REDIC1: variants seen among roughly 807,000 people sequenced by gnomAD.
The protein encoded by REDIC1 is regulator of DNA class I crossover intermediates 1.
the REDIC1 span, among the ~76,000 whole-genome samples, chr12:39,666,702 T>C: frequency 6.6e-6 from 1 of 152,046 alleles, no homozygotes; most frequent in Non-Finnish European, 1.5e-5. Context: ...GTCCTGGACT[T>C]GTTTTGGTTG....
the REDIC1 span, among the ~76,000 whole-genome samples, chr12:39,634,046 ATTCTTCCTATCCAGGAGCTTGGAAGG>A: frequency 1.3e-5 from 2 of 152,250 alleles, no homozygotes; most frequent in East Asian, 3.9e-4. Context: ...CACATTATTG[ATTCTTCCTATCCAGGAGCTTGGAAGG>A]TTCTTCCATT....
chr12:39,705,327 T>A, the REDIC1 span, among the ~76,000 whole-genome samples: 1 of 151,920 alleles, frequency 6.6e-6, no homozygotes, highest in South Asian at 2.1e-4. Flanking sequence ...ATAAAAAGTC[T>A]CCCAGGAAAT....
chr12:39,651,392 A>G, the REDIC1 span, among the ~76,000 whole-genome samples: 1 of 152,206 alleles, frequency 6.6e-6, no homozygotes, highest in South Asian at 2.1e-4. Context: ...AAATCTATTA[A>G]GCTTGTAAAA....
the REDIC1 span, among the ~76,000 whole-genome samples, chr12:39,812,271 C>A: frequency 6.6e-6 from 1 of 152,118 alleles, no homozygotes; most frequent in African/African-American, 2.4e-5. Flanking sequence ...GATGACTCCA[C>A]CCTCATGACC....
the REDIC1 span, among the ~76,000 whole-genome samples, chr12:39,896,362 A>G: frequency 5.7e-5 from 8 of 139,656 alleles, 1 homozygote; most frequent in East Asian, 8.4e-4. Context: ...GTATATGTGT[A>G]TATATGTATA....
the REDIC1 span, among the ~76,000 whole-genome samples, chr12:39,894,830 G>A: frequency 6.6e-6 from 1 of 151,796 alleles, no homozygotes; most frequent in South Asian, 2.1e-4. Flanking sequence ...TAAAGAGAGG[G>A]AAAGAAAGCA....
chr12:39,721,263 C>T, the REDIC1 span: 8 of 1,598,098 alleles, frequency 5.0e-6, no homozygotes, highest in Non-Finnish European at 6.8e-6. Context: ...ATTCTAAAAT[C>T]TCTACCTAGG....
At chr12:39,725,861 C>A in the REDIC1 span, among the ~76,000 whole-genome samples, 1 of 151,830 alleles carries the variant, frequency 6.6e-6, no homozygotes, top group Non-Finnish European at 1.5e-5. Flanking sequence ...ATTGAGGTAG[C>A]TGGTAGGTGT....
the REDIC1 span, among the ~76,000 whole-genome samples, chr12:39,836,358 T>A: frequency 6.6e-6 from 1 of 152,144 alleles, no homozygotes; most frequent in African/African-American, 2.4e-5. Flanking sequence ...CTTTTCTTAC[T>A]AGCTGCAGAG....
chr12:39,859,180 G>C, the REDIC1 span, among the ~76,000 whole-genome samples: 1 of 151,770 alleles, frequency 6.6e-6, no homozygotes, highest in Middle Eastern at 3.2e-3. Context: ...CATCTGAAGA[G>C]GAAAATGTGA....
At chr12:39,662,812 T>G in the REDIC1 span, among the ~76,000 whole-genome samples, 2 of 152,130 alleles carry the variant, frequency 1.3e-5, no homozygotes, top group Non-Finnish European at 2.9e-5. Context: ...CTGTGCTTAG[T>G]TTGTTGAATG....
chr12:39,869,051 G>A, the REDIC1 span, among the ~76,000 whole-genome samples: 13 of 152,066 alleles, frequency 8.5e-5, no homozygotes, highest in African/African-American at 2.2e-4. Context: ...TTAAAAATTC[G>A]AGGCTATAGC....
At chr12:39,834,877 C>T in the REDIC1 span, among the ~76,000 whole-genome samples, 1 of 152,018 alleles carries the variant, frequency 6.6e-6, no homozygotes, top group Non-Finnish European at 1.5e-5. Flanking sequence ...CTTTAAATAT[C>T]CTGGGGAATC....
chr12:39,846,908 C>G, the REDIC1 span, among the ~76,000 whole-genome samples: 134 of 152,224 alleles, frequency 8.8e-4, no homozygotes, highest in African/African-American at 3.2e-3. Context: ...GATACTGTGA[C>G]CATTCTTTTT....
the REDIC1 span, among the ~76,000 whole-genome samples, chr12:39,687,102 C>T: frequency 2.0e-5 from 3 of 152,178 alleles, no homozygotes; most frequent in South Asian, 6.2e-4. Context: ...TTTGTTATAA[C>T]CATTCCACCG....
chr12:39,699,436 G>T, the REDIC1 span, among the ~76,000 whole-genome samples: 11 of 152,340 alleles, frequency 7.2e-5, no homozygotes, highest in Admixed American at 6.5e-4. Context: ...CCCGCACATG[G>T]CTCAGAGGGT....
chr12:39,877,080 T>C, the REDIC1 span, among the ~76,000 whole-genome samples: 4 of 152,308 alleles, frequency 2.6e-5, no homozygotes, highest in East Asian at 7.7e-4. Context: ...TAAAAGAGGT[T>C]CTTTTAACTA....
At chr12:39,825,627 A>G in the REDIC1 span, among the ~76,000 whole-genome samples, 2 of 152,188 alleles carry the variant, frequency 1.3e-5, no homozygotes, top group Non-Finnish European at 2.9e-5. Flanking sequence ...GGTTCATAGT[A>G]TTCTCTTATG....
At chr12:39,852,677 G>A in the REDIC1 span, among the ~76,000 whole-genome samples, 31 of 152,230 alleles carry the variant, frequency 2.0e-4, no homozygotes, top group Admixed American at 1.3e-3. Context: ...AACTTTCCAC[G>A]CTCAAGGAAC....
Sources: allele counts gnomAD v4.1 joint callset (sites outside exome capture counted in the v4.1 genomes callset), GRCh38; gene constraint gnomAD v4.1.1; transcripts MANE v1.5; gene names NCBI Gene and HGNC (gene_info 2026-07-23, HGNC 2026-07-21).